The following SPOCD1 variants were observed in gnomAD, a reference collection of about 807,000 sequenced individuals.
SPOCD1 encodes the protein SPOC domain containing 1.
In SPOCD1, 64 loss-of-function variants were observed where a neutral mutation model predicts 92.2. That is an observed-to-expected ratio of 0.69 (90% confidence interval 0.57 to 0.86). The LOEUF is 0.86. Among genes scored for constraint, SPOCD1 ranks in the 40% least tolerant of loss-of-function variants. SPOCD1 has a pLI of 0.00. For missense variants in SPOCD1, 1,360 were observed against 1,543.1 expected, an observed-to-expected ratio of 0.88 and a Z score of 1.99; for synonymous variants, 578 against 619.3, an observed-to-expected ratio of 0.93 and a Z score of 0.99.
intron 10 of SPOCD1, 157 bp downstream of exon 10, chr1:31,796,433 C>T: frequency 3.5e-6 from 4 of 1,145,272 alleles, no homozygotes; most frequent in Non-Finnish European, 5.1e-6. Flanking sequence ...ACCCCATGTT[C>T]CCCTATGCGT....
intron 2 of SPOCD1, among the ~76,000 whole-genome samples, chr1:31,803,377 C>T (rs1192643994): frequency 6.6e-6 from 1 of 150,878 alleles, no homozygotes; most frequent in East Asian, 2.0e-4. Context: ...ATATTAGATG[C>T]AGCTGAAACA....
At chr1:31,796,488 G>C in intron 10 of SPOCD1, 102 bp downstream of exon 10, 1 of 1,573,414 alleles carries the variant, frequency 6.4e-7, no homozygotes, top group Non-Finnish European at 8.7e-7. Context: ...GTGGGCCTCA[G>C]AGCAGTCAGG....
intron 9 of SPOCD1, among the ~76,000 whole-genome samples, chr1:31,797,170 G>C (rs1648086346): frequency 6.6e-6 from 1 of 152,182 alleles, no homozygotes; most frequent in South Asian, 2.1e-4. Context: ...AACATATATA[G>C]AGTGCTTAGC....
At chr1:31,792,599 G>A in intron 14 of SPOCD1, 79 bp downstream of exon 14, 1 of 1,285,868 alleles carries the variant, frequency 7.8e-7, no homozygotes, top group Non-Finnish European at 1.1e-6. Context: ...ATCCAAGCCA[G>A]GCCTCTGCTC....
Position 31,815,347 on chromosome 1 carries a change from C to A in SPOCD1, c.-14G>T. The A allele has an allele frequency of 6.6e-7, 1 of 1,522,106 alleles. No individual in the cohort carries two copies. 94.3% of individuals were successfully genotyped at this position (1,522,106 alleles called of 1,614,324 possible). A position where few individuals can be genotyped will look rare whatever the true frequency, so the allele number is the denominator to read the frequency against. On this transcript the variant is annotated 5_prime_UTR_variant, in exon 2 of 16. Transcript: ENST00000360482. ...CGCCTGGGACATGTCTGTCCACCTA[C>A]CTGGGCCAAAAGCACAACACGGGCC...
rs768020111 is a variant in SPOCD1, at chr1:31,794,512, T to G, written c.2272-277A>C. 1.4e-3 allele frequency: 342 copies of G among 251,450 alleles called. 1 individual carries two copies. The highest frequency in any genetic ancestry group is 3.9e-3 in the Admixed American group (73 of 18,700). The allele number at this position is 251,450 out of a possible 1,614,324, so 15.6% of individuals were successfully genotyped here. A position where few individuals can be genotyped will look rare whatever the true frequency, so the allele number is the denominator to read the frequency against. ...TTTTTTTTTCTTTTCTTTTTTTTTT[T>G]TTTGTTTGTTTGTTTGTTTTTTGAG... On this transcript the variant is annotated intron_variant, in intron 10 of 15. Coordinates refer to ENST00000360482, the MANE Select transcript of SPOCD1 (RefSeq NM_144569.7).
At chr1:31,807,867 T>C (rs567227390) in intron 2 of SPOCD1, among the ~76,000 whole-genome samples, 1 of 152,250 alleles carries the variant, frequency 6.6e-6, no homozygotes, top group Non-Finnish European at 1.5e-5. Flanking sequence ...TATGCCAACA[T>C]GCCAATAAAT....
At chr1:31,793,949 C>T in intron 11 of SPOCD1, 52 bp from the exon 12 acceptor site, 1 of 1,580,430 alleles carries the variant, frequency 6.3e-7, no homozygotes, top group Non-Finnish European at 8.6e-7. Flanking sequence ...AGCGCTGAAG[C>T]CAGCCCAGGG....
At position 31,793,380 on chromosome 1, in the gene SPOCD1, C is replaced by A. The variant is rs1204610657; in HGVS notation, c.2583G>T (p.Leu861=). The A allele has an allele frequency of 6.3e-7, 1 of 1,592,382 alleles. No individual in the cohort carries two copies. Among genetic ancestry groups the A allele is most frequent in the Admixed American group, 1.8e-5 (1 of 56,674 alleles). The change falls in exon 13 of 16, where the codon CTG becomes CTT. Residue 861 remains leucine, a synonymous_variant. Coordinates refer to ENST00000360482, the MANE Select transcript of SPOCD1 (RefSeq NM_144569.7). The part of the protein sequence containing the change: ...LHVPAAPTKA[L]PCLPPWEGVL... ...CACCTTCCCAGGGTGGCAGGCAGGGCAGGGCCTTTGTGGGTGCAGCAGGCA... is the reference window on the plus strand; with the variant it reads ...CACCTTCCCAGGGTGGCAGGCAGGGAAGGGCCTTTGTGGGTGCAGCAGGCA...
chr1:31,811,727 C>T (rs1168079334), intron 2 of SPOCD1, among the ~76,000 whole-genome samples: 2 of 152,214 alleles, frequency 1.3e-5, no homozygotes, highest in Non-Finnish European at 2.9e-5. Context: ...TGCAACCACC[C>T]GCCTGTCCCT....
At chr1:31,800,200 C>T (rs1372930685) in intron 4 of SPOCD1, 59 bp from the exon 5 acceptor site, 3 of 1,527,370 alleles carry the variant, frequency 2.0e-6, no homozygotes, top group East Asian at 2.4e-5. Context: ...ACTGTTCCCT[C>T]CCCAGATGTA....
chr1:31,794,966 T>C (rs1321227036), intron 10 of SPOCD1: 2 of 152,164 alleles, frequency 1.3e-5, no homozygotes, highest in Non-Finnish European at 2.9e-5. Flanking sequence ...TGTGATGGGG[T>C]GAGACTGGAG....
chr1:31,799,263 TG>T, intron 7 of SPOCD1, 137 bp downstream of exon 7: 1 of 714,596 alleles, frequency 1.4e-6, no homozygotes, highest in Non-Finnish European at 2.4e-6. Flanking sequence ...GCTCTTGGTA[TG>T]GGCAAGGGAC....
intron 3 of SPOCD1, 143 bp from the exon 4 acceptor site, chr1:31,800,760 G>T: frequency 1.4e-6 from 1 of 714,384 alleles, no homozygotes; most frequent in Non-Finnish European, 2.2e-6. Flanking sequence ...GCCTGTCCTG[G>T]TCCCCGCTGT....
chr1:31,800,690 C>A (rs1264320516), intron 3 of SPOCD1, 73 bp from the exon 4 acceptor site: 16 of 1,328,472 alleles, frequency 1.2e-5, no homozygotes, highest in Non-Finnish European at 1.4e-5. Context: ...CTCGCCTCAT[C>A]TGTAATTGTT....
Position 31,793,740 on chromosome 1 carries a change from C to A in SPOCD1, c.2534+7G>T, listed in dbSNP as rs1018825684. On this transcript the variant is annotated splice_region_variant and intron_variant, in intron 12 of 15. Coordinates refer to ENST00000360482, the MANE Select transcript of SPOCD1 (RefSeq NM_144569.7). ...GGTTATCCACCTCCCTGCTCCCAAC[C>A]CCACACCTGTCCTGTGGTTCCGTGG... 17 of 1,613,946 alleles carry A rather than the reference C, an allele frequency of 1.1e-5. No individual in the cohort carries two copies. The highest frequency in any genetic ancestry group is 1.3e-5 in the Non-Finnish European group (15 of 1,180,048).
chr1:31,813,602 G>C (rs1378194637), intron 2 of SPOCD1, among the ~76,000 whole-genome samples: 1 of 151,902 alleles, frequency 6.6e-6, no homozygotes, highest in Non-Finnish European at 1.5e-5. Context: ...TTTAATCCTT[G>C]AAACAACCCC....
rs773013133 is a variant in SPOCD1 at position 31,815,344 on chromosome 1, C to T, written c.-11G>A. 1 of 1,522,676 alleles carries T rather than the reference C, an allele frequency of 6.6e-7. No individual in the cohort carries two copies. Among genetic ancestry groups the T allele is most frequent in the Non-Finnish European group, 8.8e-7 (1 of 1,133,796 alleles). The allele number at this position is 1,522,676 out of a possible 1,614,324, so 94.3% of individuals were successfully genotyped here. A position where few individuals can be genotyped will look rare whatever the true frequency, so the allele number is the denominator to read the frequency against. On this transcript the variant is annotated 5_prime_UTR_variant, in exon 2 of 16. Coordinates refer to ENST00000360482, the MANE Select transcript of SPOCD1 (RefSeq NM_144569.7). ...CCCCGCCTGGGACATGTCTGTCCAC[C>T]TACCTGGGCCAAAAGCACAACACGG... is the stretch of plus-strand genomic sequence containing the variant.
intron 10 of SPOCD1, chr1:31,795,052 T>A (rs1222384499): frequency 1.3e-5 from 2 of 152,236 alleles, no homozygotes; most frequent in Admixed American, 6.5e-5. Context: ...ACTGAGGACA[T>A]TTTTTGTGCA....
Sources: allele counts gnomAD v4.1 joint callset (sites outside exome capture counted in the v4.1 genomes callset), GRCh38; gene constraint gnomAD v4.1.1; transcripts MANE v1.5; gene names NCBI Gene and HGNC (gene_info 2026-07-23, HGNC 2026-07-21).